SCN1A: variants seen among roughly 807,000 people sequenced by gnomAD.
SCN1A encodes sodium channel protein type 1 subunit alpha.
Under a neutral mutation model 193.7 loss-of-function variants are expected in SCN1A, and 13 were observed. That is an observed-to-expected ratio of 0.07 (90% CI 0.04 to 0.11). The LOEUF (loss-of-function observed/expected upper bound fraction) is 0.11, where lower values mean the gene tolerates loss of function less well. Ranked by LOEUF, SCN1A falls within the 10% of genes least tolerant of loss-of-function variation. The pLI is 1.00. For missense variants in SCN1A, 1,432 were observed against 2,451.1 expected (o/e 0.58, Z 8.78); for synonymous variants, 781 against 843.6 (o/e 0.93, Z 1.29).
chr2:166,126,580 G>A (rs1443209303), intron 2 of SCN1A: 1 of 152,184 alleles, frequency 6.6e-6, no homozygotes. Flanking sequence ...CTCTTGGGAT[G>A]ATTTAAAGTG....
Position 165,991,393 on chromosome 2 carries a change from A to G in SCN1A, c.5882T>C (p.Ile1961Thr), listed in dbSNP as rs760676898. ...ANLLIKEDMIIDRINENSITE... is the reference protein window; with the variant it reads ...ANLLIKEDMITDRINENSITE... ...AATAGAGTTTTCATTTATTCTGTCA[A>G]TTATCATGTCTTCTTTTATAAGAAG... The change falls in exon 29 of 29, where the codon ATT becomes ACT. Residue 1961 changes from isoleucine to threonine, a missense_variant. Coordinates refer to ENST00000674923, the MANE Select transcript of SCN1A (RefSeq NM_001165963.4). The G allele has an allele frequency of 6.2e-7, 1 of 1,613,684 alleles. No individual in the cohort carries two copies. The highest frequency in any genetic ancestry group is 1.1e-5 in the South Asian group (1 of 91,074).
In SCN1A at chr2:166,037,965, A is replaced by G. The variant is rs1553541344; in HGVS notation, c.2757T>C (p.Cys919=). Residue 919 remains cysteine (C), a synonymous_variant, in exon 18 of 29, where the codon TGT becomes TGC. Transcript: ENST00000674923. ...MQLFGKSYKD[C]VCKIASDCQL... is the part of the protein sequence containing the mutation. Reference sequence around the variant, plus strand: ...GACAATCACTGGCGATCTTGCAGACACAATCTTTGTAGCTTTTACCAAAGA... The same window carrying G: ...GACAATCACTGGCGATCTTGCAGACGCAATCTTTGTAGCTTTTACCAAAGA... 6.2e-7 allele frequency: 1 copy of G among 1,614,226 alleles called. No individual in the cohort carries two copies. Among genetic ancestry groups the G allele is most frequent in the Non-Finnish European group, 8.5e-7 (1 of 1,180,044 alleles).
chr2:166,002,380 C>T (rs1330654218), intron 24 of SCN1A, 92 bp downstream of exon 24: 1 of 1,302,650 alleles, frequency 7.7e-7, no homozygotes, highest in Non-Finnish European at 1.1e-6. Flanking sequence ...GAAATATATA[C>T]TTTTTCTTAG....
intron 4 of SCN1A, among the ~76,000 whole-genome samples, chr2:166,062,165 G>C (rs974210231): frequency 6.6e-6 from 1 of 152,098 alleles, no homozygotes; most frequent in Non-Finnish European, 1.5e-5. Context: ...GATTTCTTCT[G>C]TGAGAACTCC....
chr2:166,095,171 C>A (rs1687241917), intron 2 of SCN1A, among the ~76,000 whole-genome samples: 1 of 152,166 alleles, frequency 6.6e-6, no homozygotes, highest in Admixed American at 6.5e-5. Flanking sequence ...AACCTCCATA[C>A]AATTGAAGGC....
chr2:166,081,979 A>G (rs1449765213), intron 2 of SCN1A, among the ~76,000 whole-genome samples: 2 of 152,022 alleles, frequency 1.3e-5, no homozygotes, highest in South Asian at 2.1e-4. Context: ...AAGAATATAT[A>G]TAGTACTTAA....
At chr2:166,094,699 TAAC>T (rs1687185763) in intron 2 of SCN1A, among the ~76,000 whole-genome samples, 1 of 151,528 alleles carries the variant, frequency 6.6e-6, no homozygotes, top group Non-Finnish European at 1.5e-5. Flanking sequence ...GAATAGAATT[TAAC>T]AACAACAAAA....
chr2:166,013,374 A>C (rs1430205231), intron 21 of SCN1A, among the ~76,000 whole-genome samples: 1 of 151,476 alleles, frequency 6.6e-6, no homozygotes, highest in Non-Finnish European at 1.5e-5. Flanking sequence ...TACCATTTAG[A>C]AACAAAATTC....
At chr2:166,005,398 G>A (rs948613079) in intron 23 of SCN1A, among the ~76,000 whole-genome samples, 4 of 151,320 alleles carry the variant, frequency 2.6e-5, no homozygotes, top group Non-Finnish European at 5.9e-5. Flanking sequence ...ATATGTTTGA[G>A]AGGTTTACTT....
chr2:166,116,953 C>T (rs898497103), intron 2 of SCN1A, among the ~76,000 whole-genome samples: 3 of 152,156 alleles, frequency 2.0e-5, no homozygotes, highest in African/African-American at 4.8e-5. Context: ...TTTCATTATT[C>T]ATCTGTTAAT....
rs997130061 is a variant in SCN1A at position 165,990,373 on chromosome 2, G to T, written c.*872C>A. Reference sequence around the variant, plus strand: ...GCAGAAATTTATAAAGAGTAATTTTGGTCAATTCAGTCTTCTGGCGGTGGA... The same window carrying T: ...GCAGAAATTTATAAAGAGTAATTTTTGTCAATTCAGTCTTCTGGCGGTGGA... On this transcript the variant is annotated 3_prime_UTR_variant, in exon 29 of 29. Transcript: ENST00000674923. The T allele has an allele frequency of 6.6e-6, 1 of 152,248 alleles. No homozygotes were observed. The highest frequency in any genetic ancestry group is 1.5e-5 in the Non-Finnish European group (1 of 67,950). The allele number at this position is 152,248 out of a possible 1,614,324, so 9.4% of individuals were successfully genotyped here.
At chr2:166,103,705 A>T (rs77589639) in intron 2 of SCN1A, among the ~76,000 whole-genome samples, 177 of 152,258 alleles carry the variant, frequency 1.2e-3, no homozygotes, top group African/African-American at 4.1e-3. Context: ...TGTAAAATTA[A>T]TATGATCTTT....
intron 4 of SCN1A, among the ~76,000 whole-genome samples, chr2:166,073,007 T>G (rs1429887662): frequency 3.3e-5 from 5 of 151,916 alleles, no homozygotes; most frequent in African/African-American, 4.8e-5. Flanking sequence ...GCCCAGCAAA[T>G]TTTTTGTATT....
At chr2:166,086,078 C>T (rs904081030) in intron 2 of SCN1A, among the ~76,000 whole-genome samples, 1 of 152,140 alleles carries the variant, frequency 6.6e-6, no homozygotes, top group African/African-American at 2.4e-5. Flanking sequence ...ACTGAATTGA[C>T]CTTCTCCTGG....
At chr2:165,996,552 A>T (rs1178659596) in intron 26 of SCN1A, among the ~76,000 whole-genome samples, 1 of 151,508 alleles carries the variant, frequency 6.6e-6, no homozygotes, top group Non-Finnish European at 1.5e-5. Context: ...GTTACTCATT[A>T]AAAAAGTCAC....
At chr2:166,095,176 G>A (rs1477099712) in intron 2 of SCN1A, among the ~76,000 whole-genome samples, 1 of 152,068 alleles carries the variant, frequency 6.6e-6, no homozygotes, top group Non-Finnish European at 1.5e-5. Context: ...CCATACAATT[G>A]AAGGCAGTTA....
intron 2 of SCN1A, among the ~76,000 whole-genome samples, chr2:166,107,111 A>T (rs186150723): frequency 2.9e-4 from 44 of 152,302 alleles, no homozygotes; most frequent in Non-Finnish European, 5.0e-4. Flanking sequence ...ACCAACATGG[A>T]ACCAAATTTG....
intron 22 of SCN1A, among the ~76,000 whole-genome samples, chr2:166,011,443 C>G (rs1011550708): frequency 1.3e-5 from 2 of 151,002 alleles, no homozygotes; most frequent in Non-Finnish European, 3.0e-5. Flanking sequence ...GATACAAATT[C>G]TATAAAGGGC....
rs6432859 is a variant in SCN1A, at chr2:166,039,777, T to G, written c.2416-181A>C. ...TATACATTATTTAATTTTATCCTTG[T>G]GGAAACGCGAAGTAGATAATATACA... On this transcript the variant is annotated intron_variant, in intron 16 of 28. Coordinates refer to ENST00000674923, the MANE Select transcript of SCN1A (RefSeq NM_001165963.4). Among the ~76,000 whole-genome samples the G allele has an allele frequency of 0.74, 112,132 of 151,970 alleles. 41,765 individuals carry two copies. The highest frequency in any genetic ancestry group is 0.89 in the East Asian group (4,623 of 5,186).
Sources: allele counts gnomAD v4.1 joint callset (sites outside exome capture counted in the v4.1 genomes callset), GRCh38; gene constraint gnomAD v4.1.1; transcripts MANE v1.5; gene names NCBI Gene and HGNC (gene_info 2026-07-23, HGNC 2026-07-21).